The following DYNC2H1 variants were observed in gnomAD, a reference collection of about 807,000 sequenced individuals.
DYNC2H1 encodes cytoplasmic dynein 2 heavy chain 1.
In DYNC2H1, 410 loss-of-function variants were observed where a neutral mutation model predicts 570.0. That is an observed-to-expected ratio of 0.72 (90% CI 0.66 to 0.78). DYNC2H1 has a LOEUF of 0.78. DYNC2H1 is among the 30% of genes least tolerant of loss of function. The pLI is 0.00. For synonymous variants in DYNC2H1, 1,688 were observed against 1,677.6 expected, an observed-to-expected ratio of 1.01 and a Z score of -0.15; for missense variants, 4,865 against 5,046.4, an observed-to-expected ratio of 0.96 and a Z score of 1.09.
At chr11:103,255,348 T>C in intron 66 of DYNC2H1, 67 bp from the exon 67 acceptor site, 1 of 1,499,002 alleles carries the variant, frequency 6.7e-7, no homozygotes, top group Non-Finnish European at 8.9e-7. Flanking sequence ...AAGGCCTGTT[T>C]GCAGGAAGTT....
intron 84 of DYNC2H1, among the ~76,000 whole-genome samples, chr11:103,411,515 C>T (rs914061597): frequency 8.1e-5 from 12 of 147,984 alleles, no homozygotes; most frequent in South Asian, 2.1e-4. Context: ...TTAATTATCT[C>T]GGTGACCTGT....
chr11:103,172,228 T>G (rs1861604208), intron 34 of DYNC2H1, among the ~76,000 whole-genome samples: 1 of 152,038 alleles, frequency 6.6e-6, no homozygotes, highest in African/African-American at 2.4e-5. Context: ...TCTTCTACAT[T>G]CACTTTTTTT....
intron 70 of DYNC2H1, among the ~76,000 whole-genome samples, chr11:103,278,775 C>T (rs913024199): frequency 2.0e-5 from 3 of 152,172 alleles, no homozygotes; most frequent in African/African-American, 7.2e-5. Flanking sequence ...CCATGTTGGC[C>T]AGGCTGGTCT....
rs1224642506 is a variant in DYNC2H1 at position 103,395,603 on chromosome 11, G to T, written c.12157-4060G>T. On this transcript the variant is annotated intron_variant, in intron 83 of 88. Transcript: ENST00000375735. The surrounding 1 kb of genome is among the most constrained non-coding windows in gnomAD (Gnocchi z 4.3). ...TATTCTCTAATTTATGATCCCTCAG[G>T]TTCAAGTCTAGTAGAAAGAAACAGT... Among the ~76,000 whole-genome samples, 1 of 151,896 alleles carries T rather than the reference G, an allele frequency of 6.6e-6. No homozygotes were observed. Among genetic ancestry groups the T allele is most frequent in the Non-Finnish European group, 1.5e-5 (1 of 67,994 alleles).
At chr11:103,346,583 A>G (rs1462156161) in intron 82 of DYNC2H1, among the ~76,000 whole-genome samples, 2 of 152,012 alleles carry the variant, frequency 1.3e-5, no homozygotes, top group Non-Finnish European at 2.9e-5. Context: ...ATGATGTTAT[A>G]TTTTTCCTTT....
chr11:103,193,701 G>A (rs554138058), intron 47 of DYNC2H1, among the ~76,000 whole-genome samples: 8 of 151,636 alleles, frequency 5.3e-5, no homozygotes, highest in African/African-American at 1.7e-4. Context: ...GTGCCACCAC[G>A]CCCGACTAAT....
Position 103,176,403 on chromosome 11 carries a change from A to G in DYNC2H1, c.5843A>G (p.Glu1948Gly), listed in dbSNP as rs755544592. ...AGTGCTGCATTAAAGCAGGTCTTTGAAGAGGCCAATTATGAAATTATACCC... is the reference window on the plus strand; with the variant it reads ...AGTGCTGCATTAAAGCAGGTCTTTGGAGAGGCCAATTATGAAATTATACCC... ...ELSAALKQVF[E>G]EANYEIIPNQ... The change falls in exon 37 of 89, where the codon GAA (glutamate) becomes GGA (glycine). Residue 1948 changes from glutamate to glycine, a missense_variant. By Grantham distance (98) the Glu-to-Gly change is moderately conservative. Around this residue, in one of 5 missense-constraint regions of DYNC2H1, gnomAD observed 292 missense variants for 300.2 expected, o/e 0.97. Transcript: ENST00000375735. 29 of 1,571,416 alleles carry G rather than the reference A, an allele frequency of 1.8e-5. 1 individual carries two copies. The South Asian group carries it at 3.6e-4, about 19-fold the overall frequency.
chr11:103,361,246 C>A (rs915219078), intron 83 of DYNC2H1, among the ~76,000 whole-genome samples: 1 of 152,254 alleles, frequency 6.6e-6, no homozygotes. Context: ...AGAGCCCTCA[C>A]AAATAGGATT....
At chr11:103,281,980 A>T (rs1866156874) in intron 71 of DYNC2H1, among the ~76,000 whole-genome samples, 199 bp from the exon 72 acceptor site, 1 of 152,024 alleles carries the variant, frequency 6.6e-6, no homozygotes, top group Non-Finnish European at 1.5e-5. Context: ...AATTATTCTT[A>T]GTAGATTTCA....
At chr11:103,276,442 T>C (rs1304839794) in intron 70 of DYNC2H1, among the ~76,000 whole-genome samples, 1 of 152,122 alleles carries the variant, frequency 6.6e-6, no homozygotes, top group Non-Finnish European at 1.5e-5. Context: ...ATAAATTATC[T>C]GTTAAAACTT....
At chr11:103,426,608 G>T (rs563675479) in intron 84 of DYNC2H1, among the ~76,000 whole-genome samples, 1 of 152,284 alleles carries the variant, frequency 6.6e-6, no homozygotes, top group African/African-American at 2.4e-5. Context: ...TAGCTTGGAA[G>T]ACTATATGTA....
Position 103,186,224 on chromosome 11 carries a change from C to T in DYNC2H1, c.6634-18C>T. 2 of 1,600,388 alleles carry T rather than the reference C, an allele frequency of 1.2e-6. No homozygotes were observed. The highest frequency in any genetic ancestry group is 2.2e-5 in the East Asian group (1 of 44,520). ...CTCTGGAGTATGTGAAAACTTATCA[C>T]AATTTTTTCCTCTTAAGGTTTTTCA... On this transcript the variant is annotated intron_variant, in intron 41 of 88. Coordinates refer to ENST00000375735, the MANE Select transcript of DYNC2H1 (RefSeq NM_001377.3). This position sits in a 1 kb window ranked among gnomAD's most constrained non-coding sequence, Gnocchi z 4.5.
intron 13 of DYNC2H1, among the ~76,000 whole-genome samples, chr11:103,131,267 C>T (rs868394927): frequency 2.0e-5 from 3 of 152,036 alleles, no homozygotes; most frequent in Non-Finnish European, 4.4e-5. Flanking sequence ...GGATAGTTTA[C>T]TATATAGTTA....
chr11:103,358,561 T>C (rs1940475321), intron 83 of DYNC2H1, among the ~76,000 whole-genome samples: 1 of 152,178 alleles, frequency 6.6e-6, no homozygotes, highest in Non-Finnish European at 1.5e-5. Flanking sequence ...AATAGATCTT[T>C]CCTTATCTTT....
At chr11:103,396,858 A>G (rs1464430082) in intron 83 of DYNC2H1, among the ~76,000 whole-genome samples, 4 of 152,342 alleles carry the variant, frequency 2.6e-5, no homozygotes, top group African/African-American at 7.2e-5. Flanking sequence ...CATTATCCTC[A>G]GTGAAATAAC....
intron 31 of DYNC2H1, among the ~76,000 whole-genome samples, chr11:103,167,066 C>T (rs1227613310): frequency 1.5e-5 from 2 of 136,552 alleles, no homozygotes; most frequent in Non-Finnish European, 3.1e-5. Flanking sequence ...TTCAAGTTCA[C>T]TGCCTCTTTC....
chr11:103,204,512 A>G lies in DYNC2H1; in HGVS notation c.8312-310A>G, dbSNP rs1862848427. On this transcript the variant is annotated intron_variant, in intron 51 of 88. Coordinates refer to ENST00000375735, the MANE Select transcript of DYNC2H1 (RefSeq NM_001377.3). This position sits in a 1 kb window ranked among gnomAD's most constrained non-coding sequence, Gnocchi z 4.1. ...AAACTAGCCTTTTATTCTTATAGAAACAGTTTTATATGCACTGTAGAAATC... is the reference window on the plus strand; with the variant it reads ...AAACTAGCCTTTTATTCTTATAGAAGCAGTTTTATATGCACTGTAGAAATC... Among the ~76,000 whole-genome samples the G allele has an allele frequency of 6.6e-6, 1 of 152,148 alleles. No individual in the cohort carries two copies. The highest frequency in any genetic ancestry group is 1.5e-5 in the Non-Finnish European group (1 of 68,022).
chr11:103,276,582 C>A lies in DYNC2H1; in HGVS notation c.10696-3766C>A, dbSNP rs1026770958. Among the ~76,000 whole-genome samples, 6 of 151,806 alleles carry A rather than the reference C, an allele frequency of 4.0e-5. No homozygotes were observed. In the South Asian group the frequency reaches 1.2e-3, roughly 32 times the overall value. ...AAAATACACATAAGAATAAAGAAAACAAAAAGGACCTATAATCTTAAAATT... is the reference window on the plus strand; with the variant it reads ...AAAATACACATAAGAATAAAGAAAAAAAAAAGGACCTATAATCTTAAAATT... On this transcript the variant is annotated intron_variant, in intron 70 of 88. Transcript: ENST00000375735.
intron 85 of DYNC2H1, among the ~76,000 whole-genome samples, 163 bp downstream of exon 85, chr11:103,436,195 CTATT>C (rs754279943): frequency 2.3e-5 from 2 of 85,560 alleles, no homozygotes; most frequent in East Asian, 7.9e-4. Context: ...TAGCACTGTT[CTATT>C]TTTTTTTTTT....
Sources: allele counts gnomAD v4.1 joint callset (sites outside exome capture counted in the v4.1 genomes callset), GRCh38; gene constraint gnomAD v4.1.1; regional missense constraint gnomAD v4.1.1; non-coding constraint Gnocchi (gnomAD v3.1); transcripts MANE v1.5; gene names NCBI Gene and HGNC (gene_info 2026-07-23, HGNC 2026-07-21).